Variants in DCBLD2 observed in about 807,000 individuals in gnomAD.
DCBLD2 encodes the protein discoidin, CUB and LCCL domain-containing protein 2.
In DCBLD2, 54 loss-of-function variants were observed where a neutral mutation model predicts 86.8. The observed-to-expected ratio is 0.62, with a 90% confidence interval of 0.50 to 0.78. The LOEUF is 0.78. Ranked by LOEUF, DCBLD2 falls within the 30% of genes least tolerant of loss-of-function variation. The pLI, the probability that DCBLD2 is intolerant of heterozygous loss-of-function variation, is 0.00. For synonymous variants in DCBLD2, 354 were observed against 341.3 expected (o/e 1.04, Z -0.41); for missense variants, 908 against 954.2 (o/e 0.95, Z 0.64).
At chr3:98,812,309 T>C in intron 10 of DCBLD2, 23 bp downstream of exon 10, 1 of 1,611,228 alleles carries the variant, frequency 6.2e-7, no homozygotes, top group Non-Finnish European at 8.5e-7. Context: ...TAAAAACATA[T>C]CTTAAACGAA....
chr3:98,815,670 G>C (rs984357012), intron 9 of DCBLD2: 1 of 152,108 alleles, frequency 6.6e-6, no homozygotes, highest in Non-Finnish European at 1.5e-5. Flanking sequence ...TCCAGAGATA[G>C]AGAAAAGCAT....
chr3:98,806,889 A>C (rs1421318105), intron 13 of DCBLD2, among the ~76,000 whole-genome samples: 1 of 151,704 alleles, frequency 6.6e-6, no homozygotes, highest in Non-Finnish European at 1.5e-5. Context: ...AAACATCTCC[A>C]CTCCATCTCT....
At chr3:98,832,933 G>A (rs1942349664) in intron 3 of DCBLD2, among the ~76,000 whole-genome samples, 1 of 152,116 alleles carries the variant, frequency 6.6e-6, no homozygotes, top group Non-Finnish European at 1.5e-5. Context: ...GTAGAATCTT[G>A]CAGGGGTTCT....
At position 98,819,404 on chromosome 3, in the gene DCBLD2, T is replaced by C. The variant is rs765442901; in HGVS notation, c.885A>G (p.Thr295=). ...CGATCACACCAGACTCCATCCCCAGTGTTCCATAACATCCTGAAACAAAGA... is the reference window on the plus strand; with the variant it reads ...CGATCACACCAGACTCCATCCCCAGCGTTCCATAACATCCTGAAACAAAGA... The part of the protein sequence containing the change: ...FTFKTSGCYG[T]LGMESGVIAD... The change falls in exon 8 of 16, where the codon ACA becomes ACG. Residue 295 remains threonine (T), a synonymous_variant. Coordinates refer to ENST00000326840, the MANE Select transcript of DCBLD2 (RefSeq NM_080927.4). The C allele has an allele frequency of 1.9e-6, 3 of 1,613,654 alleles. No individual in the cohort carries two copies. The highest frequency in any genetic ancestry group is 2.7e-5 in the African/African-American group (2 of 74,914).
intron 4 of DCBLD2, 126 bp from the exon 5 acceptor site, chr3:98,822,867 A>C: frequency 1.4e-6 from 1 of 710,890 alleles, no homozygotes; most frequent in Non-Finnish European, 2.2e-6. Context: ...ACTACCCTCA[A>C]AGACCCACCA....
chr3:98,831,112 G>A (rs1331776082), intron 3 of DCBLD2, among the ~76,000 whole-genome samples: 4 of 151,692 alleles, frequency 2.6e-5, no homozygotes, highest in African/African-American at 9.7e-5. Context: ...TGTTGCCCAG[G>A]CTGGAGTGCA....
chr3:98,882,894 G>C lies in DCBLD2; in HGVS notation c.206-1127C>G, dbSNP rs369723379. Among the ~76,000 whole-genome samples, 10 of 152,280 alleles carry C rather than the reference G, an allele frequency of 6.6e-5. No homozygotes were observed. In the East Asian group the frequency reaches 1.9e-3, roughly 29 times the overall value. Reference sequence around the variant, plus strand: ...CCGCAATAAACATATGTGTGCATGTGTTTTTATAGTAGCATGATTTATGAT... The same window carrying C: ...CCGCAATAAACATATGTGTGCATGTCTTTTTATAGTAGCATGATTTATGAT... On this transcript the variant is annotated intron_variant, in intron 1 of 15. Transcript: ENST00000326840.
At chr3:98,816,834 T>G (rs1055974217) in intron 9 of DCBLD2, among the ~76,000 whole-genome samples, 1 of 152,210 alleles carries the variant, frequency 6.6e-6, no homozygotes, top group Non-Finnish European at 1.5e-5. Flanking sequence ...CAGGCTGGAT[T>G]GCAGTGGAGT....
intron 2 of DCBLD2, among the ~76,000 whole-genome samples, chr3:98,880,263 C>A (rs1011386898): frequency 1.1e-4 from 16 of 152,142 alleles, no homozygotes; most frequent in African/African-American, 3.6e-4. Flanking sequence ...GGAGAGGAAG[C>A]CAGAGGATGA....
At position 98,808,188 on chromosome 3, in the gene DCBLD2, G is replaced by A; in HGVS notation, c.1577-14C>T. On this transcript the variant is annotated splice_polypyrimidine_tract_variant and intron_variant, in intron 12 of 15. Transcript: ENST00000326840. ...CCAGCGCTACATCTGAAGTTACAAA[G>A]ACAAAAACAGACAAACAAAAGCCAT... 6.4e-7 allele frequency: 1 copy of A among 1,572,208 alleles called. No homozygotes were observed. Among genetic ancestry groups the A allele is most frequent in the Non-Finnish European group, 8.6e-7 (1 of 1,161,888 alleles).
chr3:98,816,256 A>C (rs1367098315), intron 9 of DCBLD2: 1 of 151,110 alleles, frequency 6.6e-6, no homozygotes, highest in Non-Finnish European at 1.5e-5. Context: ...AAAAAAAAAA[A>C]CCAAAAAACC....
rs150764743 is a variant in DCBLD2, at chr3:98,803,004, T to C, written c.1671-1355A>G. 8.7e-4 allele frequency among the ~76,000 whole-genome samples: 133 copies of C among 152,336 alleles called. 1 individual carries two copies. The East Asian group carries it at 0.021, about 24-fold the overall frequency. ...ACGTGATGCCTCCAGCTTTGTTCTT[T>C]TGGCTTAGGATTGTCTTGGCAATGT... On this transcript the variant is annotated intron_variant, in intron 13 of 15. Coordinates refer to ENST00000326840, the MANE Select transcript of DCBLD2 (RefSeq NM_080927.4).
chr3:98,841,438 A>G (rs1455031626), intron 3 of DCBLD2, among the ~76,000 whole-genome samples: 4 of 152,246 alleles, frequency 2.6e-5, no homozygotes, highest in African/African-American at 9.6e-5. Flanking sequence ...CTGTTGCATG[A>G]AATATTTAAA....
At chr3:98,862,729 T>TA (rs1464028004) in intron 2 of DCBLD2, among the ~76,000 whole-genome samples, 1 of 152,188 alleles carries the variant, frequency 6.6e-6, no homozygotes, top group Non-Finnish European at 1.5e-5. Flanking sequence ...CTCAAAATAA[T>TA]AAGAGTTATT....
Position 98,901,182 on chromosome 3 carries a change from G to A in DCBLD2, c.145C>T (p.Leu49=), listed in dbSNP as rs1443700649. ...CSNSSSFSMP[L]FLLLLLVLLL... ...AGGACAAGTAAGAGCAGGAGGAACA[G>A]AGGCATGGAGAAGGAGGAGGAGTTG... The change falls in exon 1 of 16, where the codon CTG becomes TTG. Residue 49 remains leucine, a synonymous_variant. Transcript: ENST00000326840. 4 of 1,537,566 alleles carry A rather than the reference G, an allele frequency of 2.6e-6. No individual in the cohort carries two copies. The highest frequency in any genetic ancestry group is 2.0e-5 in the Admixed American group (1 of 50,984).
rs1450828662 is a variant in DCBLD2 at position 98,901,510 on chromosome 3, C to T, written c.-184G>A. 4 of 481,482 alleles carry T rather than the reference C, an allele frequency of 8.3e-6. No individual in the cohort carries two copies. 29.8% of individuals were successfully genotyped at this position (481,482 alleles called of 1,614,324 possible). On this transcript the variant is annotated 5_prime_UTR_variant, in exon 1 of 16. Transcript: ENST00000326840. ...TTCACCTACTCCTCCTTCGTCCCTT[C>T]CCTCCGCTCCCCGCGCCGAGACCCC...
chr3:98,856,899 G>A (rs1289418386), intron 2 of DCBLD2, among the ~76,000 whole-genome samples: 1 of 152,172 alleles, frequency 6.6e-6, no homozygotes, highest in Non-Finnish European at 1.5e-5. Flanking sequence ...TGAGAATGTG[G>A]CTGAAATGAA....
At chr3:98,858,593 ACAAT>A (rs1942980876) in intron 2 of DCBLD2, among the ~76,000 whole-genome samples, 2 of 152,254 alleles carry the variant, frequency 1.3e-5, no homozygotes, top group Admixed American at 6.5e-5. Context: ...AGCAAAGAAA[ACAAT>A]CAACAGAGTG....
intron 1 of DCBLD2, among the ~76,000 whole-genome samples, chr3:98,889,884 C>T (rs759175769): frequency 1.3e-5 from 2 of 151,934 alleles, no homozygotes; most frequent in African/African-American, 4.8e-5. Context: ...CTTGGATCTG[C>T]AGTTTTACAA....
Sources: allele counts gnomAD v4.1 joint callset (sites outside exome capture counted in the v4.1 genomes callset), GRCh38; gene constraint gnomAD v4.1.1; transcripts MANE v1.5; gene names NCBI Gene and HGNC (gene_info 2026-07-23, HGNC 2026-07-21).